Variants in PPM1H observed in about 807,000 individuals in gnomAD.
PPM1H encodes protein phosphatase, Mg2+/Mn2+ dependent 1H, also known as protein phosphatase 1H.
In PPM1H, 27 loss-of-function variants were observed where a neutral mutation model predicts 54.9. The observed-to-expected ratio is 0.49, with a 90% CI of 0.36 to 0.68. The LOEUF (loss-of-function observed/expected upper bound fraction) is 0.68, where lower values mean the gene tolerates loss of function less well. Among genes scored for constraint, PPM1H ranks in the 30% least tolerant of loss-of-function variants. The pLI, the probability that PPM1H is intolerant of heterozygous loss-of-function variation, is 0.00. For missense variants in PPM1H, 596 were observed against 667.8 expected (o/e 0.89, Z 1.19); for synonymous variants, 305 against 270.8 (o/e 1.13, Z -1.24).
At chr12:62,932,627 G>GTTTTTTT (rs1229452777) in intron 1 of PPM1H, among the ~76,000 whole-genome samples, 65 of 22,484 alleles carry the variant, frequency 2.9e-3, no homozygotes, top group Non-Finnish European at 5.3e-3. Context: ...GTCCAAATGG[G>GTTTTTTT]CTTTTTTTTT....
intron 6 of PPM1H, among the ~76,000 whole-genome samples, chr12:62,709,565 A>G (rs76003761): frequency 0.024 from 3,643 of 152,194 alleles, 138 homozygotes; most frequent in African/African-American, 0.081. Flanking sequence ...GGTTCAAACA[A>G]TCTTCTCCAG....
chr12:62,740,391 G>A (rs1365429868), intron 4 of PPM1H, among the ~76,000 whole-genome samples: 1 of 152,080 alleles, frequency 6.6e-6, no homozygotes, highest in Admixed American at 6.6e-5. Flanking sequence ...TTCTTCTCCT[G>A]GTTTCCCTCC....
chr12:62,832,867 T>C (rs1228776018), intron 1 of PPM1H, among the ~76,000 whole-genome samples: 1 of 152,208 alleles, frequency 6.6e-6, no homozygotes, highest in East Asian at 1.9e-4. Flanking sequence ...TCTTTTTTCA[T>C]GTAGAATAAT....
At chr12:62,902,217 C>T (rs768769000) in intron 1 of PPM1H, among the ~76,000 whole-genome samples, 7 of 151,720 alleles carry the variant, frequency 4.6e-5, no homozygotes, top group South Asian at 4.2e-4. Flanking sequence ...AAAAATTAGC[C>T]GGTCGTGGTG....
chr12:62,910,499 T>G (rs1871421558), intron 1 of PPM1H, among the ~76,000 whole-genome samples: 1 of 152,184 alleles, frequency 6.6e-6, no homozygotes, highest in South Asian at 2.1e-4. Flanking sequence ...TTTTTTTTAA[T>G]GAAGCAATAT....
intron 9 of PPM1H, among the ~76,000 whole-genome samples, chr12:62,656,869 CT>C (rs764542824): frequency 1.8e-4 from 28 of 151,846 alleles, no homozygotes; most frequent in Non-Finnish European, 3.7e-4. Flanking sequence ...TCAGGGGTGG[CT>C]TAGAATAGGG....
intron 1 of PPM1H, among the ~76,000 whole-genome samples, chr12:62,880,941 G>A (rs1328278879): frequency 6.6e-6 from 1 of 152,104 alleles, no homozygotes; most frequent in African/African-American, 2.4e-5. Flanking sequence ...CCACGTTCGT[G>A]AGCAGGATAC....
At chr12:62,764,804 G>A (rs1272976916) in intron 4 of PPM1H, among the ~76,000 whole-genome samples, 1 of 152,196 alleles carries the variant, frequency 6.6e-6, no homozygotes, top group Non-Finnish European at 1.5e-5. Context: ...TGAGGCTGAG[G>A]CTGAAAGGAC....
chr12:62,795,646 G>A lies in PPM1H; in HGVS notation c.756+6170C>T, dbSNP rs186397547. On this transcript the variant is annotated intron_variant, in intron 3 of 9. Coordinates refer to ENST00000228705, the MANE Select transcript of PPM1H (RefSeq NM_020700.2). ...TTTTTAGTAGAGACGGGGTTTCACC[G>A]TGGTCTCAATCTCCTGACCTCGTGA... Among the ~76,000 whole-genome samples the A allele has an allele frequency of 6.8e-3, 1,031 of 151,790 alleles. 12 individuals are homozygous for A. Among genetic ancestry groups the A allele is most frequent in the Non-Finnish European group, 7.9e-3 (538 of 67,920 alleles).
intron 1 of PPM1H, among the ~76,000 whole-genome samples, chr12:62,918,814 GA>G (rs1871702217): frequency 6.6e-6 from 1 of 152,188 alleles, no homozygotes; most frequent in South Asian, 2.1e-4. Context: ...GACTCCATTT[GA>G]AGTGAAAAAA....
intron 8 of PPM1H, among the ~76,000 whole-genome samples, chr12:62,681,666 C>T (rs2076019642): frequency 1.3e-5 from 2 of 152,168 alleles, no homozygotes; most frequent in South Asian, 2.1e-4. Context: ...ATATACTTCT[C>T]CCTCCTATAT....
chr12:62,802,363 TG>T (rs1237098570), intron 2 of PPM1H, among the ~76,000 whole-genome samples: 4 of 151,972 alleles, frequency 2.6e-5, no homozygotes, highest in Non-Finnish European at 5.9e-5. Flanking sequence ...GGTCCCCAAA[TG>T]AGCCATTGTT....
chr12:62,788,682 T>C (rs1004943923), intron 3 of PPM1H, among the ~76,000 whole-genome samples: 2 of 152,206 alleles, frequency 1.3e-5, no homozygotes, highest in Non-Finnish European at 2.9e-5. Flanking sequence ...ATGTGAAACA[T>C]ACACTAGAGA....
chr12:62,803,964 C>G (rs1412671219), intron 2 of PPM1H, among the ~76,000 whole-genome samples: 1 of 152,156 alleles, frequency 6.6e-6, no homozygotes, highest in Non-Finnish European at 1.5e-5. Context: ...TGAAAAGATG[C>G]TCACCATCGA....
chr12:62,784,175 T>C (rs1196614916), intron 4 of PPM1H, among the ~76,000 whole-genome samples: 2 of 152,158 alleles, frequency 1.3e-5, no homozygotes, highest in East Asian at 3.9e-4. Context: ...CTGTGGCTGG[T>C]TAGCTCGGCA....
intron 9 of PPM1H, among the ~76,000 whole-genome samples, chr12:62,662,266 A>G (rs2075888616): frequency 6.6e-6 from 1 of 152,250 alleles, no homozygotes; most frequent in South Asian, 2.1e-4. Context: ...AAGCTTTATA[A>G]AAATAATCAT....
At chr12:62,879,299 C>G (rs1253029743) in intron 1 of PPM1H, among the ~76,000 whole-genome samples, 2 of 152,152 alleles carry the variant, frequency 1.3e-5, no homozygotes, top group Non-Finnish European at 2.9e-5. Context: ...TTAGAATATT[C>G]TGTAGTGCTT....
In PPM1H at chr12:62,693,918, GGAAGCACACGT is replaced by G; in HGVS notation, c.1137+7_1137+17del. ...CAGAGCCCTGTCCTCTCTACCCAGG[GGAAGCACACGT>G]GCCTACCTTCTTGCCTTCTCCATAT... On this transcript the variant is annotated splice_region_variant and intron_variant, in intron 7 of 9. Coordinates refer to ENST00000228705, the MANE Select transcript of PPM1H (RefSeq NM_020700.2). The G allele has an allele frequency of 6.2e-7, 1 of 1,607,884 alleles. No homozygotes were observed. The highest frequency in any genetic ancestry group is 8.5e-7 in the Non-Finnish European group (1 of 1,176,524).
In PPM1H at chr12:62,910,487, C is replaced by CT. The variant is rs200949405; in HGVS notation, c.245+24004dup. 1.7e-3 allele frequency among the ~76,000 whole-genome samples: 260 copies of CT among 150,870 alleles called. 1 individual carries two copies. The highest frequency in any genetic ancestry group is 6.1e-3 in the African/African-American group (250 of 41,182). On this transcript the variant is annotated intron_variant, in intron 1 of 9. Transcript: ENST00000228705. ...AATTCTTTGGACATTTTCTCTATTT[C>CT]TTTTTTTTTAATGAAGCAATATATT...
Sources: gnomAD v4.1 joint callset for allele counts (sites outside exome capture counted in the v4.1 genomes callset) on GRCh38, gnomAD v4.1.1 for gene constraint, MANE v1.5 for transcripts, NCBI Gene and HGNC (gene_info 2026-07-23, HGNC 2026-07-21) for gene names.